GCGR: variants seen among roughly 807,000 people sequenced by gnomAD.
GCGR encodes the protein glucagon receptor.
A neutral mutation model predicts 56.1 loss-of-function variants in GCGR; 41 were observed. That is an observed-to-expected ratio of 0.73 (90% CI 0.57 to 0.95). The LOEUF (loss-of-function observed/expected upper bound fraction) is 0.95, where lower values mean the gene tolerates loss of function less well. Among genes scored for constraint, GCGR ranks in the 40% least tolerant of loss-of-function variants. The pLI is 0.00. For synonymous variants in GCGR, 278 were observed against 271.1 expected (o/e 1.03, Z -0.25); for missense variants, 595 against 638.2 (o/e 0.93, Z 0.73).
Position 81,811,971 on chromosome 17 carries a change from TG to T in GCGR, c.878+29del, listed in dbSNP as rs536386489. The T allele has an allele frequency of 9.8e-6, 15 of 1,531,854 alleles. No individual in the cohort carries two copies. In the South Asian group the frequency reaches 1.5e-4, roughly 16 times the overall value. 94.9% of individuals were successfully genotyped at this position (1,531,854 alleles called of 1,614,324 possible). A position where few individuals can be genotyped will look rare whatever the true frequency, so the allele number is the denominator to read the frequency against. ...AGTGAGTATGAGCGGCTGGACAGCC[TG>T]GGGAGGGACCGGGGGGCTGGGGTGC... On this transcript the variant is annotated intron_variant, in intron 9 of 13. Transcript: ENST00000400723. The surrounding 1 kb of genome is among the most constrained non-coding windows in gnomAD (Gnocchi z 5.8).
chr17:81,811,128 C>T lies in GCGR; in HGVS notation c.390C>T (p.Val130=). 1 of 1,536,196 alleles carries T rather than the reference C, an allele frequency of 6.5e-7. No homozygotes were observed. Among genetic ancestry groups the T allele is most frequent in the South Asian group, 1.2e-5 (1 of 84,056 alleles). Residue 130 remains valine, a synonymous_variant, in exon 5 of 14, where the codon GTC becomes GTT. Coordinates refer to ENST00000400723, the MANE Select transcript of GCGR (RefSeq NM_000160.5). The surrounding 1 kb of genome is among the most constrained non-coding windows in gnomAD (Gnocchi z 5.8). The part of the protein sequence containing the change: ...QCQMDGEEIE[V]QKEVAKMYSS... Reference sequence around the variant, plus strand: ...AGATGGATGGCGAGGAGATTGAGGTCCAGGTCAGTGGGCGGCAGGCAGGCG... The same window carrying T: ...AGATGGATGGCGAGGAGATTGAGGTTCAGGTCAGTGGGCGGCAGGCAGGCG...
At position 81,812,525 on chromosome 17, in the gene GCGR, G is replaced by T; in HGVS notation, c.949-52G>T. 1 of 1,504,164 alleles carries T rather than the reference G, an allele frequency of 6.6e-7. No homozygotes were observed. The highest frequency in any genetic ancestry group is 1.2e-5 in the South Asian group (1 of 82,432). The allele number at this position is 1,504,164 out of a possible 1,614,324, so 93.2% of individuals were successfully genotyped here. On this transcript the variant is annotated intron_variant, in intron 10 of 13. Transcript: ENST00000400723. This position sits in a 1 kb window ranked among gnomAD's most constrained non-coding sequence, Gnocchi z 8.5. ...TCAGGTGGGGCCTTCCAAGGGCACA[G>T]AGCTGTTCCCTGGGGCTCGGGATGC... is the stretch of plus-strand genomic sequence containing the variant.
Position 81,811,458 on chromosome 17 carries a change from G to A in GCGR, c.555G>A (p.Val185=). 1 of 1,536,652 alleles carries A rather than the reference G, an allele frequency of 6.5e-7. No homozygotes were observed. The highest frequency in any genetic ancestry group is 2.4e-5 in the East Asian group (1 of 40,916). ...ACGCGAATCTGTTTGCGTCCTTCGT[G>A]CTGAAAGCCAGCTCCGTGCTGGTCA... ...AIHANLFASF[V]LKASSVLVID... Residue 185 remains valine, a synonymous_variant, in exon 7 of 14, where the codon GTG becomes GTA. Coordinates refer to ENST00000400723, the MANE Select transcript of GCGR (RefSeq NM_000160.5). The surrounding 1 kb of genome is among the most constrained non-coding windows in gnomAD (Gnocchi z 5.8).
At position 81,811,185 on chromosome 17, in the gene GCGR, C is replaced by T. The variant is rs986836868; in HGVS notation, c.394-37C>T. On this transcript the variant is annotated intron_variant, in intron 5 of 13. Coordinates refer to ENST00000400723, the MANE Select transcript of GCGR (RefSeq NM_000160.5). The surrounding 1 kb of genome is among the most constrained non-coding windows in gnomAD (Gnocchi z 5.8). ...GGCTGGATGGGAACGGGCATGGGGGCCCCTGCCTGGCCCTCACAGGCCACT... is the reference window on the plus strand; with the variant it reads ...GGCTGGATGGGAACGGGCATGGGGGTCCCTGCCTGGCCCTCACAGGCCACT... The T allele has an allele frequency of 2.9e-5, 45 of 1,535,900 alleles. No individual in the cohort carries two copies. Among genetic ancestry groups the T allele is most frequent in the Non-Finnish European group, 3.7e-5 (43 of 1,146,760 alleles).
chr17:81,812,907 G>A lies in GCGR; in HGVS notation c.1138G>A (p.Ala380Thr), dbSNP rs377211796. The change falls in exon 12 of 14, where the codon GCC (alanine) becomes ACC (threonine). Residue 380 changes from alanine (A) to threonine (T), a missense_variant. By Grantham distance (58) the Ala-to-Thr change is moderately conservative. Coordinates refer to ENST00000400723, the MANE Select transcript of GCGR (RefSeq NM_000160.5). This position sits in a 1 kb window ranked among gnomAD's most constrained non-coding sequence, Gnocchi z 8.5. ...DEHAQGTLRSAKLFFDLFLSS... is the reference protein window; with the variant it reads ...DEHAQGTLRSTKLFFDLFLSS... ...GCACGCCCAGGGCACCCTGCGCTCC[G>A]CCAAGCTCTTCTTCGACCTCTTCCT... 4.6e-5 allele frequency: 70 copies of A among 1,535,974 alleles called. No individual in the cohort carries two copies. Among genetic ancestry groups the A allele is most frequent in the African/African-American group, 2.2e-4 (16 of 73,036 alleles).
At position 81,812,275 on chromosome 17, in the gene GCGR, G is replaced by A. The variant is rs9909989; in HGVS notation, c.948+23G>A. On this transcript the variant is annotated intron_variant, in intron 10 of 13. Coordinates refer to ENST00000400723, the MANE Select transcript of GCGR (RefSeq NM_000160.5). The surrounding 1 kb of genome is among the most constrained non-coding windows in gnomAD (Gnocchi z 8.5). Reference sequence around the variant, plus strand: ...CTGGTGAGGAAATGAAGAGCCAGGAGCGCACCCCAGGCCCCTCCTCCCTTG... The same window carrying A: ...CTGGTGAGGAAATGAAGAGCCAGGAACGCACCCCAGGCCCCTCCTCCCTTG... 2.7e-3 allele frequency: 4,213 copies of A among 1,534,544 alleles called. 118 individuals are homozygous for A. In the African/African-American group the frequency reaches 0.053, roughly 19 times the overall value.
intron 1 of GCGR, among the ~76,000 whole-genome samples, chr17:81,807,457 C>A (rs528375410): frequency 6.6e-6 from 1 of 152,122 alleles, no homozygotes; most frequent in African/African-American, 2.4e-5. Context: ...TGGCCCCACG[C>A]GGGCTCACCC....
chr17:81,811,709 A>G lies in GCGR; in HGVS notation c.716A>G (p.Tyr239Cys), dbSNP rs1297475505. The G allele has an allele frequency of 1.3e-6, 2 of 1,543,758 alleles. No individual in the cohort carries two copies. The highest frequency in any genetic ancestry group is 3.9e-5 in the Admixed American group (2 of 51,672). The change falls in exon 8 of 14, where the codon TAC (tyrosine) becomes TGC (cysteine). Residue 239 changes from tyrosine (Y) to cysteine (C), a missense_variant. Physicochemically the swap from Tyr to Cys is radical, Grantham distance 194 (BLOSUM62 -2). Transcript: ENST00000400723. This position sits in a 1 kb window ranked among gnomAD's most constrained non-coding sequence, Gnocchi z 5.8. ...VFMQYGIVAN[Y>C]CWLLVEGLYL... is the part of the protein sequence containing the mutation. Reference sequence around the variant, plus strand: ...ATGCAATATGGCATCGTGGCCAACTACTGCTGGCTGCTGGTGGAGGGCCTG... The same window carrying G: ...ATGCAATATGGCATCGTGGCCAACTGCTGCTGGCTGCTGGTGGAGGGCCTG...
In GCGR at chr17:81,810,031, G is replaced by T. The variant is rs893609124; in HGVS notation, c.163+147G>T. ...ATTCCTCAGGCCCCCACCACCGTGG[G>T]CAGGTGAGGTAACGAGGTAACTGAG... On this transcript the variant is annotated intron_variant, in intron 3 of 13. Coordinates refer to ENST00000400723, the MANE Select transcript of GCGR (RefSeq NM_000160.5). This position sits in a 1 kb window ranked among gnomAD's most constrained non-coding sequence, Gnocchi z 4.6. The T allele has an allele frequency of 5.6e-6, 4 of 710,590 alleles. No individual in the cohort carries two copies. The highest frequency in any genetic ancestry group is 5.1e-6 in the Non-Finnish European group (2 of 395,462). 44.0% of individuals were successfully genotyped at this position (710,590 alleles called of 1,614,324 possible).
chr17:81,810,791 G>A lies in GCGR; in HGVS notation c.164-34G>A, dbSNP rs764133281. On this transcript the variant is annotated intron_variant, in intron 3 of 13. Coordinates refer to ENST00000400723, the MANE Select transcript of GCGR (RefSeq NM_000160.5). This position sits in a 1 kb window ranked among gnomAD's most constrained non-coding sequence, Gnocchi z 4.6. The stretch of plus-strand genomic sequence containing the variant: ...GGAGCCCCTTCTCCCACCCTGCCCT[G>A]CCCTGCTCTGCCCTGCCCTACCCTA... The A allele has an allele frequency of 1.3e-6, 2 of 1,516,836 alleles. No homozygotes were observed. The highest frequency in any genetic ancestry group is 1.8e-6 in the Non-Finnish European group (2 of 1,128,950). 94.0% of individuals were successfully genotyped at this position (1,516,836 alleles called of 1,614,324 possible). A position where few individuals can be genotyped will look rare whatever the true frequency, so the allele number is the denominator to read the frequency against.
At position 81,812,976 on chromosome 17, in the gene GCGR, G is replaced by A. The variant is rs1382047434; in HGVS notation, c.1176+31G>A. ...CGCCCGCCCGCCGGCTCCCCCGCCC[G>A]GGGCGCAGTGTGCCACCCCTGACCA... On this transcript the variant is annotated intron_variant, in intron 12 of 13. Coordinates refer to ENST00000400723, the MANE Select transcript of GCGR (RefSeq NM_000160.5). This position sits in a 1 kb window ranked among gnomAD's most constrained non-coding sequence, Gnocchi z 8.5. 2.8e-5 allele frequency: 43 copies of A among 1,535,892 alleles called. No individual in the cohort carries two copies. Among genetic ancestry groups the A allele is most frequent in the Admixed American group, 9.8e-5 (5 of 50,966 alleles).
intron 2 of GCGR, among the ~76,000 whole-genome samples, 161 bp from the exon 3 acceptor site, chr17:81,809,621 G>C (rs2038049043): frequency 6.7e-6 from 1 of 148,632 alleles, no homozygotes; most frequent in Non-Finnish European, 1.5e-5. Flanking sequence ...CTATCTGTCT[G>C]TCCGTCTGCC....
Position 81,810,296 on chromosome 17 carries a change from T to G in GCGR, c.163+412T>G. On this transcript the variant is annotated intron_variant, in intron 3 of 13. Transcript: ENST00000400723. This position sits in a 1 kb window ranked among gnomAD's most constrained non-coding sequence, Gnocchi z 4.6. ...GGACACTTGGGGTGCAGGGAGAGGA[T>G]AGGGCTGGAGGACTCACCCGGGAGG... 1 of 343,342 alleles carries G rather than the reference T, an allele frequency of 2.9e-6. No homozygotes were observed. Among genetic ancestry groups the G allele is most frequent in the Non-Finnish European group, 5.7e-6 (1 of 176,818 alleles). 21.3% of individuals were successfully genotyped at this position (343,342 alleles called of 1,614,324 possible).
At position 81,813,778 on chromosome 17, in the gene GCGR, G is replaced by A. The variant is rs2038156664; in HGVS notation, c.*89G>A. ...GAACTGGACGCCCAGCTGAGGCTGG[G>A]GGCGGGGGAGCCAACAGCAGCCCCC... On this transcript the variant is annotated 3_prime_UTR_variant, in exon 14 of 14. Coordinates refer to ENST00000400723, the MANE Select transcript of GCGR (RefSeq NM_000160.5). This position sits in a 1 kb window ranked among gnomAD's most constrained non-coding sequence, Gnocchi z 5.3. The A allele has an allele frequency of 3.8e-6, 5 of 1,319,780 alleles. No homozygotes were observed. Among genetic ancestry groups the A allele is most frequent in the Non-Finnish European group, 5.1e-6 (5 of 978,118 alleles). The allele number at this position is 1,319,780 out of a possible 1,614,324, so 81.8% of individuals were successfully genotyped here.
Position 81,806,457 on chromosome 17 carries a change from ACACAGAGCCC to A in GCGR, c.-178+2212_-178+2221del, listed in dbSNP as rs933840512. 1.3e-5 allele frequency among the ~76,000 whole-genome samples: 2 copies of A among 152,190 alleles called. No individual in the cohort carries two copies. The highest frequency in any genetic ancestry group is 4.8e-5 in the African/African-American group (2 of 41,538). On this transcript the variant is annotated intron_variant, in intron 1 of 13. Transcript: ENST00000400723. The surrounding 1 kb of genome is among the most constrained non-coding windows in gnomAD (Gnocchi z 6.5). Reference sequence around the variant, plus strand: ...CCAACCTTCTGTTGAGGCTGAGGGGACACAGAGCCCCACTCCTGGGTCCTGACTGTTTCAA... The same window carrying A: ...CCAACCTTCTGTTGAGGCTGAGGGGACACTCCTGGGTCCTGACTGTTTCAA...
chr17:81,809,474 T>C (rs181931913), intron 2 of GCGR, among the ~76,000 whole-genome samples: 8 of 138,504 alleles, frequency 5.8e-5, no homozygotes, highest in African/African-American at 1.7e-4. Context: ...TGCCTGCCTG[T>C]CTGCCTGCCT....
chr17:81,811,885 G>A lies in GCGR; in HGVS notation c.818-1G>A, dbSNP rs1418252787. 2 of 1,537,032 alleles carry A rather than the reference G, an allele frequency of 1.3e-6. No homozygotes were observed. The highest frequency in any genetic ancestry group is 1.7e-6 in the Non-Finnish European group (2 of 1,146,900). ...GGGACCACAGCTGCTGCCCCCCACA[G>A]GTGCCCCCATGCTGTTCGTCGTCCC... On this transcript the variant is annotated splice_acceptor_variant, in intron 8 of 13. Coordinates refer to ENST00000400723, the MANE Select transcript of GCGR (RefSeq NM_000160.5). LOFTEE classifies it high-confidence loss of function. This position sits in a 1 kb window ranked among gnomAD's most constrained non-coding sequence, Gnocchi z 5.8.
intron 1 of GCGR, among the ~76,000 whole-genome samples, chr17:81,808,060 G>T (rs1005498145): frequency 6.6e-6 from 1 of 152,176 alleles, no homozygotes; most frequent in Non-Finnish European, 1.5e-5. Context: ...AGCCTTGCAC[G>T]GCACCCACGA....
intron 1 of GCGR, among the ~76,000 whole-genome samples, chr17:81,808,127 G>A (rs936241616): frequency 6.6e-6 from 1 of 152,266 alleles, no homozygotes; most frequent in Non-Finnish European, 1.5e-5. Flanking sequence ...AGACCCCTGA[G>A]TGTGGGCCCC....
Sources: allele counts gnomAD v4.1 joint callset (sites outside exome capture counted in the v4.1 genomes callset), GRCh38; gene constraint gnomAD v4.1.1; non-coding constraint Gnocchi (gnomAD v3.1); transcripts MANE v1.5; gene names NCBI Gene and HGNC (gene_info 2026-07-23, HGNC 2026-07-21).